Variants in CFHR2 observed in about 807,000 individuals in gnomAD.
CFHR2 encodes the protein complement factor H-related protein 2.
CFHR2 carries 22 observed loss-of-function variants against 21.7 expected under a neutral mutation model. The observed-to-expected ratio is 1.01, with a 90% confidence interval of 0.72 to 1.45. CFHR2 has a LOEUF of 1.45. CFHR2 is among the 40% of genes most tolerant of loss of function. CFHR2 has a pLI of 0.00. For synonymous variants in CFHR2, 98 were observed against 97.4 expected (o/e 1.01, Z -0.04); for missense variants, 294 against 293.3 (o/e 1.00, Z -0.02).
At chr1:196,947,681 G>C (rs1659561152) in intron 1 of CFHR2, among the ~76,000 whole-genome samples, 1 of 152,088 alleles carries the variant, frequency 6.6e-6, no homozygotes, top group Non-Finnish European at 1.5e-5. Flanking sequence ...TCCAAATAAG[G>C]TGAAAAATAA....
At chr1:196,945,889 T>C (rs1447174002) in intron 1 of CFHR2, among the ~76,000 whole-genome samples, 1 of 151,394 alleles carries the variant, frequency 6.6e-6, no homozygotes, top group Admixed American at 6.6e-5. Flanking sequence ...TCAAACATTA[T>C]AGAGTGGACT....
At chr1:196,958,116 T>G (rs2125015554) in intron 4 of CFHR2, 43 bp downstream of exon 4, 2 of 1,558,370 alleles carry the variant, frequency 1.3e-6, no homozygotes, top group East Asian at 4.5e-5. Context: ...AAAATCAGTG[T>G]GATGAGTCTG....
chr1:196,947,083 CCAAAA>C (rs1365207527), intron 1 of CFHR2, among the ~76,000 whole-genome samples: 6 of 151,764 alleles, frequency 4.0e-5, no homozygotes, highest in Non-Finnish European at 2.9e-5. Context: ...CAGTCATTGA[CCAAAA>C]TGTCATTATG....
chr1:196,953,295 T>C (rs1418744109), intron 3 of CFHR2, among the ~76,000 whole-genome samples: 1 of 151,994 alleles, frequency 6.6e-6, no homozygotes. Context: ...TACTTATTTA[T>C]TTTTTGAGAC....
chr1:196,958,625 A>G (rs1191673984), intron 4 of CFHR2, among the ~76,000 whole-genome samples: 1 of 152,104 alleles, frequency 6.6e-6, no homozygotes, highest in Non-Finnish European at 1.5e-5. Flanking sequence ...AAATGCAACT[A>G]TCTTAATATG....
rs760737728 is a variant in CFHR2, at chr1:196,949,520, T to C, written c.124T>C (p.Phe42Leu). 24 of 1,613,834 alleles carry C rather than the reference T, an allele frequency of 1.5e-5. No individual in the cohort carries two copies. Among genetic ancestry groups the C allele is most frequent in the Non-Finnish European group, 2.0e-5 (24 of 1,179,922 alleles). ...ILYDEEKYKP[F>L]SQVPTGEVFY... ...ATATGATGAAGAAAAATATAAGCCA[T>C]TTTCCCAAGTTCCTACAGGGGAAGT... Residue 42 changes from phenylalanine to leucine, a missense_variant, in exon 2 of 5, where the codon TTT becomes CTT. Phe to Leu is a conservative substitution (Grantham distance 22). Transcript: ENST00000367415.
Position 196,946,798 on chromosome 1 carries a change from TAGA to T in CFHR2, c.59-2651_59-2649del, listed in dbSNP as rs1659511736. Reference sequence around the variant, plus strand: ...TTTTACAGTTAATTTTTTTAACCAGTAGAAGAAGTTAACTATAAAATACTGATA... The same window carrying T: ...TTTTACAGTTAATTTTTTTAACCAGTAGAAGTTAACTATAAAATACTGATA... On this transcript the variant is annotated intron_variant, in intron 1 of 4. Coordinates refer to ENST00000367415, the MANE Select transcript of CFHR2 (RefSeq NM_005666.4). Among the ~76,000 whole-genome samples, 3 of 152,332 alleles carry T rather than the reference TAGA, an allele frequency of 2.0e-5. No homozygotes were observed. The South Asian group carries it at 6.2e-4, about 32-fold the overall frequency.
chr1:196,949,118 C>T (rs1368750369), intron 1 of CFHR2, among the ~76,000 whole-genome samples: 8 of 152,154 alleles, frequency 5.3e-5, no homozygotes, highest in East Asian at 3.8e-4. Context: ...CTACTGTATA[C>T]TAAGTAGATC....
At chr1:196,957,798 C>A in intron 3 of CFHR2, 93 bp from the exon 4 acceptor site, 1 of 1,096,260 alleles carries the variant, frequency 9.1e-7, no homozygotes, top group Non-Finnish European at 1.3e-6. Context: ...TCACAAAAGC[C>A]CTGATAGACT....
intron 1 of CFHR2, among the ~76,000 whole-genome samples, chr1:196,944,543 G>A (rs1471340984): frequency 6.6e-6 from 1 of 151,842 alleles, no homozygotes; most frequent in Non-Finnish European, 1.5e-5. Flanking sequence ...ACTACAAACG[G>A]CTTCTTATGA....
rs538118899 is a variant in CFHR2 at position 196,950,982 on chromosome 1, A to T, written c.384A>T (p.Ser128=). 4.3e-6 allele frequency: 7 copies of T among 1,613,944 alleles called. No homozygotes were observed. Among genetic ancestry groups the T allele is most frequent in the East Asian group, 2.2e-5 (1 of 44,878 alleles). The part of the protein sequence containing the change: ...YRLQNNENNI[S]CVERGWSTPP... ...TTCAAAACAATGAGAACAACATTTC[A>T]TGTGTAGAACGGGGCTGGTCCACTC... Residue 128 remains serine, a synonymous_variant, in exon 3 of 5, where the codon TCA becomes TCT. Transcript: ENST00000367415.
Position 196,949,440 on chromosome 1 carries a change from G to T in CFHR2, c.59-15G>T. ...GCTTATTATGTAATTCTTCAGTTTT[G>T]TGTTATTTTCCCAGCAATGTTCTGT... On this transcript the variant is annotated splice_polypyrimidine_tract_variant and intron_variant, in intron 1 of 4. Coordinates refer to ENST00000367415, the MANE Select transcript of CFHR2 (RefSeq NM_005666.4). The T allele has an allele frequency of 6.3e-7, 1 of 1,598,182 alleles. No individual in the cohort carries two copies. The highest frequency in any genetic ancestry group is 1.7e-5 in the Admixed American group (1 of 59,214).
chr1:196,955,817 A>T, intron 3 of CFHR2, among the ~76,000 whole-genome samples: 1 of 152,182 alleles, frequency 6.6e-6, no homozygotes, highest in East Asian at 1.9e-4. Flanking sequence ...ACTGTACTGC[A>T]GTCTGGGTGA....
At chr1:196,952,556 C>A (rs1425945470) in intron 3 of CFHR2, among the ~76,000 whole-genome samples, 1 of 152,174 alleles carries the variant, frequency 6.6e-6, no homozygotes, top group Non-Finnish European at 1.5e-5. Context: ...TGGCTATTGT[C>A]AGCCCAACAA....
At chr1:196,947,955 C>T (rs553637141) in intron 1 of CFHR2, among the ~76,000 whole-genome samples, 3 of 152,122 alleles carry the variant, frequency 2.0e-5, no homozygotes, top group African/African-American at 7.2e-5. Context: ...CTCAATTTTG[C>T]TGTGAAAAAC....
chr1:196,956,153 G>T (rs1387121243), intron 3 of CFHR2, among the ~76,000 whole-genome samples: 2 of 152,194 alleles, frequency 1.3e-5, no homozygotes, highest in African/African-American at 4.8e-5. Context: ...TGTGAATGGT[G>T]TGAGTGGAGA....
At chr1:196,951,980 TAC>T (rs1331643020) in intron 3 of CFHR2, among the ~76,000 whole-genome samples, 1 of 152,216 alleles carries the variant, frequency 6.6e-6, no homozygotes, top group East Asian at 1.9e-4. Context: ...ATATATTTTG[TAC>T]AGTTTTCTAA....
rs1170352575 is a variant in CFHR2 at position 196,946,411 on chromosome 1, G to A, written c.58+2473G>A. On this transcript the variant is annotated intron_variant, in intron 1 of 4. Coordinates refer to ENST00000367415, the MANE Select transcript of CFHR2 (RefSeq NM_005666.4). ...TAATAAATTAACCTTAGTTTATGTTGACCTTTTTACTTCATCAACTTTAAT... is the reference window on the plus strand; with the variant it reads ...TAATAAATTAACCTTAGTTTATGTTAACCTTTTTACTTCATCAACTTTAAT... Among the ~76,000 whole-genome samples, 1,002 of 149,890 alleles carry A rather than the reference G, an allele frequency of 6.7e-3. 14 individuals are homozygous for A. The highest frequency in any genetic ancestry group is 0.023 in the African/African-American group (942 of 40,692).
In CFHR2 at chr1:196,949,482, A is replaced by G; in HGVS notation, c.86A>G (p.Asn29Ser). The change falls in exon 2 of 5, where the codon AAC becomes AGC. Residue 29 changes from asparagine (N) to serine (S), a missense_variant. Transcript: ENST00000367415. ...ATGTTCTGTGATTTTCCAAAAATAA[A>G]CCATGGAATTCTATATGATGAAGAA... Reference protein sequence around the residue: ...EAMFCDFPKINHGILYDEEKY... With the variant: ...EAMFCDFPKISHGILYDEEKY... 3 of 1,613,432 alleles carry G rather than the reference A, an allele frequency of 1.9e-6. No homozygotes were observed. Among genetic ancestry groups the G allele is most frequent in the Non-Finnish European group, 2.5e-6 (3 of 1,179,772 alleles).
Sources: allele counts gnomAD v4.1 joint callset (sites outside exome capture counted in the v4.1 genomes callset), GRCh38; gene constraint gnomAD v4.1.1; transcripts MANE v1.5; gene names NCBI Gene and HGNC (gene_info 2026-07-23, HGNC 2026-07-21).